The following GNG12 variants were observed in gnomAD, a reference collection of about 807,000 sequenced individuals.
GNG12 encodes the protein guanine nucleotide-binding protein G(I)/G(S)/G(O) subunit gamma-12.
For synonymous variants in GNG12, 28 were observed against 29.7 expected, an observed-to-expected ratio of 0.94 and a Z score of 0.19; for missense variants, 69 against 83.8, an observed-to-expected ratio of 0.82 and a Z score of 0.69.
rs562347950 is a variant in GNG12, at chr1:67,813,159, C to T, written c.-77+20185G>A. Among the ~76,000 whole-genome samples, 174 of 112,476 alleles carry T rather than the reference C, an allele frequency of 1.5e-3. 1 individual carries two copies. The highest frequency in any genetic ancestry group is 5.3e-3 in the African/African-American group (166 of 31,298). The allele number at this position is 112,476 out of a possible 152,430, so 73.8% of individuals were successfully genotyped here. A position where few individuals can be genotyped will look rare whatever the true frequency, so the allele number is the denominator to read the frequency against. On this transcript the variant is annotated intron_variant, in intron 1 of 3. Coordinates refer to ENST00000370982, the MANE Select transcript of GNG12 (RefSeq NM_018841.6). ...CCTTTATCAAATTAGATCAAGAGAA[C>T]ATGCTCTTGGACTTATTTCCCGTAG... is the stretch of plus-strand genomic sequence containing the variant.
chr1:67,761,251 C>T (rs1646601674), intron 2 of GNG12, among the ~76,000 whole-genome samples: 1 of 152,164 alleles, frequency 6.6e-6, no homozygotes, highest in African/African-American at 2.4e-5. Context: ...CTGTGCCACG[C>T]CCTGAATTTC....
At chr1:67,824,154 G>C (rs1646998657) in intron 1 of GNG12, among the ~76,000 whole-genome samples, 1 of 152,158 alleles carries the variant, frequency 6.6e-6, no homozygotes, top group Non-Finnish European at 1.5e-5. Flanking sequence ...CATGGATGGG[G>C]ATAAGATGGG....
rs1255261271 is a variant in GNG12, at chr1:67,798,650, T to G, written c.-76-21143A>C. Among the ~76,000 whole-genome samples, 3 of 151,968 alleles carry G rather than the reference T, an allele frequency of 2.0e-5. No individual in the cohort carries two copies. In the East Asian group the frequency reaches 5.8e-4, roughly 29 times the overall value. On this transcript the variant is annotated intron_variant, in intron 1 of 3. Coordinates refer to ENST00000370982, the MANE Select transcript of GNG12 (RefSeq NM_018841.6). ...GAGGAAGACCTTTATGATGATCCAC[T>G]TCCACTTAATAAATAGTAAATCTGG...
At chr1:67,749,074 C>T (rs1460229635) in intron 2 of GNG12, among the ~76,000 whole-genome samples, 1 of 152,160 alleles carries the variant, frequency 6.6e-6, no homozygotes, top group Non-Finnish European at 1.5e-5. Flanking sequence ...ACCAAACCCT[C>T]CATTTCTTCC....
intron 1 of GNG12, 36 bp downstream of exon 1, chr1:67,833,305 GACC>G: frequency 2.4e-6 from 2 of 830,710 alleles, no homozygotes; most frequent in South Asian, 5.3e-5. Context: ...ACCCCGCGGG[GACC>G]CGACTCACCA....
intron 2 of GNG12, among the ~76,000 whole-genome samples, chr1:67,711,567 CG>C: frequency 6.6e-6 from 1 of 152,000 alleles, no homozygotes; most frequent in Non-Finnish European, 1.5e-5. Context: ...CAGCAGCCCT[CG>C]GAAGAAGAGG....
intron 2 of GNG12, among the ~76,000 whole-genome samples, chr1:67,713,780 C>T (rs1646309691): frequency 6.6e-6 from 1 of 152,220 alleles, no homozygotes; most frequent in Admixed American, 6.5e-5. Context: ...ATGCAGACCT[C>T]ATAGGGTTGT....
intron 1 of GNG12, among the ~76,000 whole-genome samples, chr1:67,822,988 G>A (rs1248482678): frequency 6.6e-6 from 1 of 152,160 alleles, no homozygotes; most frequent in Non-Finnish European, 1.5e-5. Flanking sequence ...CCTTTGTAGA[G>A]TCCTGAGCTC....
chr1:67,802,643 G>A (rs907995517), intron 1 of GNG12, among the ~76,000 whole-genome samples: 2 of 152,142 alleles, frequency 1.3e-5, no homozygotes, highest in Non-Finnish European at 2.9e-5. Flanking sequence ...TCACCATCCC[G>A]AGGCAGTAGT....
chr1:67,824,297 T>G (rs540558296), intron 1 of GNG12, among the ~76,000 whole-genome samples: 2 of 151,878 alleles, frequency 1.3e-5, no homozygotes, highest in East Asian at 1.9e-4. Context: ...ATTGCTTGAG[T>G]CTAGGAGTTC....
intron 1 of GNG12, among the ~76,000 whole-genome samples, chr1:67,797,218 C>A (rs141781100): frequency 6.6e-6 from 1 of 152,158 alleles, no homozygotes; most frequent in Admixed American, 6.5e-5. Flanking sequence ...TGGGATTATA[C>A]CATCATGAGT....
chr1:67,760,599 T>G (rs937069987), intron 2 of GNG12, among the ~76,000 whole-genome samples: 1 of 152,184 alleles, frequency 6.6e-6, no homozygotes, highest in Admixed American at 6.5e-5. Flanking sequence ...ATGAAGCGAC[T>G]TGCCTAAAGT....
chr1:67,788,086 C>G (rs896615017), intron 1 of GNG12, among the ~76,000 whole-genome samples: 5 of 152,190 alleles, frequency 3.3e-5, no homozygotes, highest in African/African-American at 1.2e-4. Flanking sequence ...ATCCTTTGAA[C>G]CACGGAACCT....
chr1:67,824,421 G>C (rs563001526), intron 1 of GNG12, among the ~76,000 whole-genome samples: 1 of 146,352 alleles, frequency 6.8e-6, no homozygotes, highest in African/African-American at 2.5e-5. Flanking sequence ...GAGGTGGGAG[G>C]ATCACCTGAG....
intron 1 of GNG12, among the ~76,000 whole-genome samples, chr1:67,823,691 G>A (rs929478248): frequency 1.3e-5 from 2 of 152,192 alleles, no homozygotes; most frequent in African/African-American, 2.4e-5. Flanking sequence ...TTGGCTGTAC[G>A]GAACCGGGAC....
At chr1:67,748,551 G>A (rs905263976) in intron 2 of GNG12, among the ~76,000 whole-genome samples, 1 of 152,200 alleles carries the variant, frequency 6.6e-6, no homozygotes, top group African/African-American at 2.4e-5. Flanking sequence ...AGGAAGAAGT[G>A]CAGCGTCTTT....
At chr1:67,774,958 T>C (rs1304109995) in intron 2 of GNG12, among the ~76,000 whole-genome samples, 2 of 152,192 alleles carry the variant, frequency 1.3e-5, no homozygotes, top group Non-Finnish European at 2.9e-5. Context: ...CTATGTAAGG[T>C]AGCACAGTAC....
intron 2 of GNG12, among the ~76,000 whole-genome samples, chr1:67,763,223 T>C (rs1646616955): frequency 6.6e-6 from 1 of 151,938 alleles, no homozygotes; most frequent in Non-Finnish European, 1.5e-5. Context: ...AATCAGGAAA[T>C]TAACTCTGAT....
At chr1:67,753,835 TTCTG>T (rs1244783885) in intron 2 of GNG12, among the ~76,000 whole-genome samples, 1 of 152,124 alleles carries the variant, frequency 6.6e-6, no homozygotes, top group South Asian at 2.1e-4. Flanking sequence ...CTTGGGTGGT[TTCTG>T]TCTGAGTTGT....
Sources: gnomAD v4.1 joint callset for allele counts (sites outside exome capture counted in the v4.1 genomes callset) on GRCh38, gnomAD v4.1.1 for gene constraint, MANE v1.5 for transcripts, NCBI Gene and HGNC (gene_info 2026-07-23, HGNC 2026-07-21) for gene names.